GPR39: variants seen among roughly 807,000 people sequenced by gnomAD.
GPR39 encodes G protein-coupled receptor 39.
A neutral mutation model predicts 18.4 loss-of-function variants in GPR39; 23 were observed. The ratio of observed to expected loss-of-function variants is 1.25; its 90% CI spans 0.90 to 1.77. The LOEUF is 1.77. Ranked by LOEUF, GPR39 falls within the 40% of genes most tolerant of loss-of-function variation. GPR39 has a pLI of 0.00. For synonymous variants in GPR39, 280 were observed against 257.9 expected, an observed-to-expected ratio of 1.09 and a Z score of -0.82; for missense variants, 647 against 602.4, an observed-to-expected ratio of 1.07 and a Z score of -0.78.
At chr2:132,562,234 A>G (rs1480670368) in intron 1 of GPR39, among the ~76,000 whole-genome samples, 2 of 152,104 alleles carry the variant, frequency 1.3e-5, no homozygotes, top group Non-Finnish European at 2.9e-5. Flanking sequence ...CTTCTCCCTC[A>G]GACTGATTCT....
chr2:132,435,423 T>C (rs577354620), intron 1 of GPR39, among the ~76,000 whole-genome samples: 58 of 152,362 alleles, frequency 3.8e-4, no homozygotes, highest in African/African-American at 1.3e-3. Flanking sequence ...TAACTTTCTC[T>C]TTCTCTAGCT....
chr2:132,503,575 G>A (rs561700201), intron 1 of GPR39, among the ~76,000 whole-genome samples: 142 of 152,320 alleles, frequency 9.3e-4, no homozygotes, highest in Middle Eastern at 3.4e-3. Flanking sequence ...ACTTTTAAGA[G>A]TTCATCAACT....
chr2:132,581,582 C>T (rs1203856391), intron 1 of GPR39, among the ~76,000 whole-genome samples: 1 of 152,138 alleles, frequency 6.6e-6, no homozygotes, highest in Non-Finnish European at 1.5e-5. Flanking sequence ...GTGGGGCAGG[C>T]ACTGAACCCC....
intron 1 of GPR39, among the ~76,000 whole-genome samples, chr2:132,636,132 A>C (rs1681751198): frequency 6.6e-6 from 1 of 152,208 alleles, no homozygotes; most frequent in African/African-American, 2.4e-5. Context: ...CTTGTTGCTA[A>C]TTCTATAGCA....
chr2:132,526,325 G>A (rs1320110200), intron 1 of GPR39, among the ~76,000 whole-genome samples: 1 of 152,162 alleles, frequency 6.6e-6, no homozygotes. Flanking sequence ...ACCTGTAGAA[G>A]CTGCAGCAGT....
chr2:132,454,274 T>C (rs1421374512), intron 1 of GPR39, among the ~76,000 whole-genome samples: 1 of 151,530 alleles, frequency 6.6e-6, no homozygotes, highest in Non-Finnish European at 1.5e-5. Flanking sequence ...ATTATTTGGC[T>C]CTCTGTTTGT....
rs528613756 is a variant in GPR39, at chr2:132,424,676, G to C, written c.856+6778G>C. ...ATTTATCCTTGGAAGCCATTGCAGG[G>C]TTTTAAGAAGTTAAACAGCACAGTT... On this transcript the variant is annotated intron_variant, in intron 1 of 1. Coordinates refer to ENST00000329321, the MANE Select transcript of GPR39 (RefSeq NM_001508.3). Among the ~76,000 whole-genome samples, 3 of 152,332 alleles carry C rather than the reference G, an allele frequency of 2.0e-5. No homozygotes were observed. In the South Asian group the frequency reaches 6.2e-4, roughly 32 times the overall value.
At position 132,529,229 on chromosome 2, in the gene GPR39, C is replaced by A. The variant is rs571950430; in HGVS notation, c.856+111331C>A. Among the ~76,000 whole-genome samples, 3 of 152,344 alleles carry A rather than the reference C, an allele frequency of 2.0e-5. 1 individual carries two copies. The South Asian group carries it at 6.2e-4, about 32-fold the overall frequency. On this transcript the variant is annotated intron_variant, in intron 1 of 1. Coordinates refer to ENST00000329321, the MANE Select transcript of GPR39 (RefSeq NM_001508.3). ...ATATCCCACACCTGGCTCGGAGGGT[C>A]CTATGCACATGTAGCCTCGCTCATT...
chr2:132,574,555 C>T (rs926189388), intron 1 of GPR39, among the ~76,000 whole-genome samples: 9 of 152,164 alleles, frequency 5.9e-5, no homozygotes, highest in Non-Finnish European at 1.0e-4. Flanking sequence ...GCCAACATGA[C>T]AAAATCCTGT....
At chr2:132,465,599 C>T (rs1680913861) in intron 1 of GPR39, among the ~76,000 whole-genome samples, 1 of 152,196 alleles carries the variant, frequency 6.6e-6, no homozygotes, top group Non-Finnish European at 1.5e-5. Context: ...GAGGCATACA[C>T]ATCTCCCTTG....
chr2:132,644,241 C>T (rs1399869406), intron 1 of GPR39, among the ~76,000 whole-genome samples: 1 of 152,192 alleles, frequency 6.6e-6, no homozygotes, highest in East Asian at 1.9e-4. Flanking sequence ...TGTGGGCATG[C>T]AAACAAATGT....
At chr2:132,563,271 C>T (rs1680286989) in intron 1 of GPR39, among the ~76,000 whole-genome samples, 1 of 152,206 alleles carries the variant, frequency 6.6e-6, no homozygotes. Flanking sequence ...AAAGGCCTAT[C>T]AGCCACAGTA....
At chr2:132,624,067 A>C (rs958733016) in intron 1 of GPR39, among the ~76,000 whole-genome samples, 1 of 152,218 alleles carries the variant, frequency 6.6e-6, no homozygotes, top group Non-Finnish European at 1.5e-5. Flanking sequence ...CTACCATGAT[A>C]AAATAACGTG....
intron 1 of GPR39, among the ~76,000 whole-genome samples, chr2:132,430,665 A>G (rs1680209816): frequency 6.6e-6 from 1 of 152,134 alleles, no homozygotes; most frequent in Admixed American, 6.5e-5. Context: ...TGGACTGGCT[A>G]GGGCTGCTCA....
intron 1 of GPR39, among the ~76,000 whole-genome samples, chr2:132,438,533 C>G (rs1364969496): frequency 6.9e-6 from 1 of 145,908 alleles, no homozygotes; most frequent in Admixed American, 6.9e-5. Context: ...TGGGCAATCC[C>G]TGTTTCTATA....
intron 1 of GPR39, among the ~76,000 whole-genome samples, chr2:132,546,839 C>CACAAAAAAAAAAAAAA (rs1679958187): frequency 2.9e-5 from 1 of 33,956 alleles, no homozygotes; most frequent in African/African-American, 9.0e-5. Flanking sequence ...AGCTCCACAG[C>CACAAAAAAAAAAAAAA]AAAAAAAAAA....
chr2:132,517,038 AT>A (rs1679347023), intron 1 of GPR39, among the ~76,000 whole-genome samples: 1 of 152,060 alleles, frequency 6.6e-6, no homozygotes, highest in African/African-American at 2.4e-5. Flanking sequence ...TAACTGTATA[AT>A]AAGATAAAAT....
chr2:132,537,272 A>C (rs1366463015), intron 1 of GPR39, among the ~76,000 whole-genome samples: 1 of 152,198 alleles, frequency 6.6e-6, no homozygotes, highest in Non-Finnish European at 1.5e-5. Flanking sequence ...TGTGGTGACT[A>C]AATCCCTTAG....
intron 1 of GPR39, among the ~76,000 whole-genome samples, chr2:132,564,795 AT>A (rs1277325609): frequency 3.4e-5 from 3 of 87,556 alleles, no homozygotes; most frequent in Non-Finnish European, 7.4e-5. Flanking sequence ...TTTAATAACT[AT>A]TTTTTTCTTT....
Sources: gnomAD v4.1 joint callset for allele counts (sites outside exome capture counted in the v4.1 genomes callset) on GRCh38, gnomAD v4.1.1 for gene constraint, MANE v1.5 for transcripts, NCBI Gene and HGNC (gene_info 2026-07-23, HGNC 2026-07-21) for gene names.